PDZRN4: variants seen among roughly 807,000 people sequenced by gnomAD.
PDZRN4 encodes the protein PDZ domain-containing RING finger protein 4.
Under a neutral mutation model 99.0 loss-of-function variants are expected in PDZRN4, and 70 were observed. That is an observed-to-expected ratio of 0.71 (90% confidence interval 0.58 to 0.86). PDZRN4 has a LOEUF of 0.86. Among genes scored for constraint, PDZRN4 ranks in the 40% least tolerant of loss-of-function variants. PDZRN4 has a pLI of 0.00. For missense variants in PDZRN4, 1,474 were observed against 1,331.2 expected (o/e 1.11, Z -1.67); for synonymous variants, 551 against 501.6 (o/e 1.10, Z -1.32).
At chr12:41,236,058 C>T (rs1353550999) in intron 3 of PDZRN4, among the ~76,000 whole-genome samples, 2 of 151,996 alleles carry the variant, frequency 1.3e-5, no homozygotes, top group African/African-American at 4.8e-5. Context: ...TCTGATAACC[C>T]ATGTTTACTG....
rs193012237 is a variant in PDZRN4 at position 41,529,334 on chromosome 12, C to T, written c.1203+19421C>T. 3.2e-4 allele frequency among the ~76,000 whole-genome samples: 49 copies of T among 152,274 alleles called. No homozygotes were observed. The East Asian group carries it at 8.1e-3, about 25-fold the overall frequency. ...ATAAGCTGAAGGAAACGTGTTTGCA[C>T]AGTCCTCTTTCCATGGCCATATTGT... On this transcript the variant is annotated intron_variant, in intron 5 of 9. Coordinates refer to ENST00000402685, the MANE Select transcript of PDZRN4 (RefSeq NM_001164595.2).
At chr12:41,382,497 G>C (rs975561389) in intron 3 of PDZRN4, among the ~76,000 whole-genome samples, 1 of 152,158 alleles carries the variant, frequency 6.6e-6, no homozygotes, top group Non-Finnish European at 1.5e-5. Context: ...TTAAAGGCAA[G>C]TTCATATTCT....
intron 3 of PDZRN4, among the ~76,000 whole-genome samples, chr12:41,270,381 G>T (rs1319099524): frequency 6.7e-6 from 1 of 150,286 alleles, no homozygotes; most frequent in East Asian, 1.9e-4. Context: ...ATGTAACCTG[G>T]CCATAATTTA....
chr12:41,273,848 G>A (rs1470253014), intron 3 of PDZRN4, among the ~76,000 whole-genome samples: 1 of 151,922 alleles, frequency 6.6e-6, no homozygotes, highest in Non-Finnish European at 1.5e-5. Context: ...TACCTTCATG[G>A]CAGCAGATGC....
chr12:41,413,522 A>G (rs1462862700), intron 3 of PDZRN4, among the ~76,000 whole-genome samples: 1 of 152,138 alleles, frequency 6.6e-6, no homozygotes. Context: ...GGAGGATTGA[A>G]TGTTCCCCAT....
At chr12:41,283,762 G>A (rs926714787) in intron 3 of PDZRN4, among the ~76,000 whole-genome samples, 5 of 152,030 alleles carry the variant, frequency 3.3e-5, no homozygotes, top group Non-Finnish European at 7.4e-5. Flanking sequence ...CAAAAATCAC[G>A]TGATTATTTC....
chr12:41,351,201 A>G (rs1184633361), intron 3 of PDZRN4, among the ~76,000 whole-genome samples: 2 of 152,146 alleles, frequency 1.3e-5, no homozygotes, highest in African/African-American at 4.8e-5. Context: ...CCCTTCAGAC[A>G]TGACATGATG....
intron 1 of PDZRN4, among the ~76,000 whole-genome samples, chr12:41,190,021 G>A (rs1054613233): frequency 6.6e-6 from 1 of 152,170 alleles, no homozygotes; most frequent in African/African-American, 2.4e-5. Context: ...CTCTCCTGGA[G>A]GACTTCTGCA....
At chr12:41,220,008 A>G (rs914505211) in intron 3 of PDZRN4, among the ~76,000 whole-genome samples, 1 of 152,114 alleles carries the variant, frequency 6.6e-6, no homozygotes, top group East Asian at 1.9e-4. Context: ...AGGAGACAAG[A>G]CTAGTCAGAA....
At chr12:41,567,503 T>C (rs1213327533) in intron 8 of PDZRN4, among the ~76,000 whole-genome samples, 1 of 152,156 alleles carries the variant, frequency 6.6e-6, no homozygotes, top group East Asian at 1.9e-4. Context: ...ATGCTTTTCA[T>C]ACATTTTGAA....
At chr12:41,362,649 C>T (rs991359718) in intron 3 of PDZRN4, among the ~76,000 whole-genome samples, 1 of 152,052 alleles carries the variant, frequency 6.6e-6, no homozygotes, top group African/African-American at 2.4e-5. Context: ...CTTTCCTGCA[C>T]ATTGTCAAGG....
intron 3 of PDZRN4, among the ~76,000 whole-genome samples, chr12:41,321,706 A>G (rs1227489883): frequency 6.6e-6 from 1 of 152,158 alleles, no homozygotes; most frequent in Non-Finnish European, 1.5e-5. Flanking sequence ...TTTTTTAAAT[A>G]AATAGGCCAT....
At chr12:41,519,251 C>T (rs1938452553) in intron 5 of PDZRN4, among the ~76,000 whole-genome samples, 1 of 152,040 alleles carries the variant, frequency 6.6e-6, no homozygotes, top group Non-Finnish European at 1.5e-5. Flanking sequence ...TTAACAGCCT[C>T]ATCAGCTGCA....
chr12:41,547,888 C>A (rs1223851778), intron 5 of PDZRN4, among the ~76,000 whole-genome samples: 1 of 152,148 alleles, frequency 6.6e-6, no homozygotes, highest in African/African-American at 2.4e-5. Context: ...AGCAGCCAAC[C>A]TGGGCCTAGA....
At chr12:41,571,640 T>C (rs180774381) in intron 9 of PDZRN4, among the ~76,000 whole-genome samples, 2 of 152,202 alleles carry the variant, frequency 1.3e-5, no homozygotes, top group South Asian at 2.1e-4. Context: ...AGAAACATGA[T>C]TTAGAGTGCA....
chr12:41,267,235 G>A (rs113355763), intron 3 of PDZRN4, among the ~76,000 whole-genome samples: 2 of 152,242 alleles, frequency 1.3e-5, no homozygotes, highest in African/African-American at 4.8e-5. Context: ...GGATAAGATG[G>A]CAAATACTTG....
At chr12:41,441,613 T>A (rs1156553915) in intron 3 of PDZRN4, among the ~76,000 whole-genome samples, 1 of 152,210 alleles carries the variant, frequency 6.6e-6, no homozygotes, top group Non-Finnish European at 1.5e-5. Flanking sequence ...CTTTTAAATA[T>A]GCTAAAGTCT....
chr12:41,227,913 A>AG (rs1951005405), intron 3 of PDZRN4, among the ~76,000 whole-genome samples: 1 of 114,972 alleles, frequency 8.7e-6, no homozygotes, highest in East Asian at 2.2e-4. Flanking sequence ...ACACACACAC[A>AG]CACACACCAG....
rs916694144 is a variant in PDZRN4 at position 41,188,987 on chromosome 12, C to G, written c.532C>G (p.Leu178Val). The change falls in exon 1 of 10, where the codon CTC becomes GTC. Residue 178 changes from leucine to valine, a missense_variant. Leu to Val is a conservative substitution (Grantham distance 32). Transcript: ENST00000402685. ...RRREKALLAQ[L>V]WALQGEVQLT... is the part of the protein sequence containing the mutation. Reference sequence around the variant, plus strand: ...GCGCGAGAAGGCGCTGCTGGCGCAGCTCTGGGCGCTGCAGGGCGAGGTGCA... The same window carrying G: ...GCGCGAGAAGGCGCTGCTGGCGCAGGTCTGGGCGCTGCAGGGCGAGGTGCA... The G allele has an allele frequency of 6.5e-7, 1 of 1,531,050 alleles. No individual in the cohort carries two copies. Among genetic ancestry groups the G allele is most frequent in the Non-Finnish European group, 8.7e-7 (1 of 1,145,296 alleles). The allele number at this position is 1,531,050 out of a possible 1,614,324, so 94.8% of individuals were successfully genotyped here. A position where few individuals can be genotyped will look rare whatever the true frequency, so the allele number is the denominator to read the frequency against.
Sources: allele counts gnomAD v4.1 joint callset (sites outside exome capture counted in the v4.1 genomes callset), GRCh38; gene constraint gnomAD v4.1.1; transcripts MANE v1.5; gene names NCBI Gene and HGNC (gene_info 2026-07-23, HGNC 2026-07-21).